Variants in LHX9 observed in about 807,000 individuals in gnomAD.
LHX9 encodes the protein LIM/homeobox protein Lhx9.
Under a neutral mutation model 36.5 loss-of-function variants are expected in LHX9, and 9 were observed. The observed-to-expected ratio is 0.25, with a 90% CI of 0.15 to 0.43. The LOEUF is 0.43. Among genes scored for constraint, LHX9 ranks in the 20% least tolerant of loss-of-function variants. The probability of loss-of-function intolerance (pLI) is 1.00; values close to 1 mark genes in which losing one functional copy is unlikely to be tolerated. For missense variants in LHX9, 464 were observed against 526.4 expected (o/e 0.88, Z 1.16); for synonymous variants, 211 against 212.1 (o/e 0.99, Z 0.04).
Position 197,917,798 on chromosome 1 carries a change from G to A in LHX9, c.-26G>A. 2 of 1,614,060 alleles carry A rather than the reference G, an allele frequency of 1.2e-6. No individual in the cohort carries two copies. Among genetic ancestry groups the A allele is most frequent in the Non-Finnish European group, 1.7e-6 (2 of 1,179,948 alleles). On this transcript the variant is annotated 5_prime_UTR_variant, in exon 1 of 5. The change abolishes an upstream ATG in the 5' untranslated region. Coordinates refer to ENST00000367387, the MANE Select transcript of LHX9 (RefSeq NM_020204.3). Reference sequence around the variant, plus strand: ...GGTCCCTTGCCTCCTTCACTCGGATGAGCTGAAAGCCCCGGGCGTGTGTAT... The same window carrying A: ...GGTCCCTTGCCTCCTTCACTCGGATAAGCTGAAAGCCCCGGGCGTGTGTAT...
At chr1:197,923,702 C>T (rs1192209054) in intron 3 of LHX9, among the ~76,000 whole-genome samples, 1 of 151,998 alleles carries the variant, frequency 6.6e-6, no homozygotes, top group Non-Finnish European at 1.5e-5. Context: ...ATGTTAGATC[C>T]AAGGAGCTTT....
chr1:197,923,468 C>T (rs1220279306), intron 3 of LHX9, among the ~76,000 whole-genome samples: 1 of 150,772 alleles, frequency 6.6e-6, no homozygotes, highest in Non-Finnish European at 1.5e-5. Context: ...ATTGGAATCT[C>T]AAGCCACTCA....
In LHX9 at chr1:197,917,753, C is replaced by G. The variant is rs1659817005; in HGVS notation, c.-71C>G. 6.2e-7 allele frequency: 1 copy of G among 1,609,536 alleles called. No homozygotes were observed. The highest frequency in any genetic ancestry group is 8.5e-7 in the Non-Finnish European group (1 of 1,178,658). On this transcript the variant is annotated 5_prime_UTR_variant, in exon 1 of 5. Transcript: ENST00000367387. ...CTCCATCCTCGAGCGTCTCTGCGCTCCTACAGGGCAGCCCTCTCTGGTCCC... is the reference window on the plus strand; with the variant it reads ...CTCCATCCTCGAGCGTCTCTGCGCTGCTACAGGGCAGCCCTCTCTGGTCCC...
rs541993545 is a variant in LHX9, at chr1:197,930,019, A to T, written c.*760A>T. The T allele has an allele frequency of 9.2e-6, 9 of 981,990 alleles. No homozygotes were observed. In the East Asian group the frequency reaches 5.6e-4, roughly 61 times the overall value. The allele number at this position is 981,990 out of a possible 1,614,324, so 60.8% of individuals were successfully genotyped here. A position where few individuals can be genotyped will look rare whatever the true frequency, so the allele number is the denominator to read the frequency against. Reference sequence around the variant, plus strand: ...TTCCGCATTGATTTTGACATTCCATACTTTTAACCTCCTAAAGCTAAAAAC... The same window carrying T: ...TTCCGCATTGATTTTGACATTCCATTCTTTTAACCTCCTAAAGCTAAAAAC... On this transcript the variant is annotated 3_prime_UTR_variant, in exon 5 of 5. Transcript: ENST00000367387.
rs773104007 is a variant in LHX9, at chr1:197,921,687, C to T, written c.733+28C>T. ...GTGCCTCCTATCCTCACCCCCGGCG[C>T]AGCCCCGGCCTCCCTGAGGAAAATT... On this transcript the variant is annotated intron_variant, in intron 3 of 4. Coordinates refer to ENST00000367387, the MANE Select transcript of LHX9 (RefSeq NM_020204.3). The surrounding 1 kb of genome is among the most constrained non-coding windows in gnomAD (Gnocchi z 4.6). 4 of 1,507,092 alleles carry T rather than the reference C, an allele frequency of 2.7e-6. No homozygotes were observed. In the Admixed American group the frequency reaches 6.0e-5, roughly 23 times the overall value. 93.4% of individuals were successfully genotyped at this position (1,507,092 alleles called of 1,614,324 possible).
rs754990735 is a variant in LHX9 at position 197,917,380 on chromosome 1, A to G, written c.-444A>G. On this transcript the variant is annotated 5_prime_UTR_variant, in exon 1 of 5. Transcript: ENST00000367387. ...ACAGCTCAGGCAGGAGCAGTCCCCA[A>G]CCCAATCTACAGGCACTGGGAACTT... 1 of 1,306,486 alleles carries G rather than the reference A, an allele frequency of 7.7e-7. No homozygotes were observed. Among genetic ancestry groups the G allele is most frequent in the African/African-American group, 1.5e-5 (1 of 65,884 alleles). The allele number at this position is 1,306,486 out of a possible 1,614,324, so 80.9% of individuals were successfully genotyped here.
chr1:197,916,530 C>T, upstream of LHX9: 1 of 613,382 alleles, frequency 1.6e-6, no homozygotes, highest in East Asian at 2.8e-5. Context: ...GAATCTCCGG[C>T]AACCTTCCTT....
At chr1:197,923,915 A>G (rs1660072018) in intron 3 of LHX9, among the ~76,000 whole-genome samples, 1 of 152,152 alleles carries the variant, frequency 6.6e-6, no homozygotes, top group African/African-American at 2.4e-5. Context: ...CTTAGCCCGA[A>G]GAGTTTGTAC....
At chr1:197,927,311 G>A (rs748273822) in intron 3 of LHX9, among the ~76,000 whole-genome samples, 15 of 152,192 alleles carry the variant, frequency 9.9e-5, no homozygotes, top group South Asian at 4.1e-4. Context: ...CTTAGGGTTT[G>A]TTCATATTCT....
Position 197,921,287 on chromosome 1 carries a change from C to T in LHX9, c.378-17C>T. The T allele has an allele frequency of 1.9e-6, 3 of 1,598,710 alleles. No individual in the cohort carries two copies. The highest frequency in any genetic ancestry group is 1.7e-5 in the Admixed American group (1 of 59,570). ...CCTTGCTTCAACTAGCGCCCTGACT[C>T]AACTCTTTCCTTCCAGAAGGTTCTC... is the stretch of plus-strand genomic sequence containing the variant. On this transcript the variant is annotated splice_polypyrimidine_tract_variant and intron_variant, in intron 2 of 4. Coordinates refer to ENST00000367387, the MANE Select transcript of LHX9 (RefSeq NM_020204.3). This position sits in a 1 kb window ranked among gnomAD's most constrained non-coding sequence, Gnocchi z 4.6.
In LHX9 at chr1:197,935,021, T is replaced by C. The variant is rs1425440431; in HGVS notation, c.*5762T>C. 1 of 152,146 alleles carries C rather than the reference T, an allele frequency of 6.6e-6. No homozygotes were observed. Among genetic ancestry groups the C allele is most frequent in the Non-Finnish European group, 1.5e-5 (1 of 68,014 alleles). 9.4% of individuals were successfully genotyped at this position (152,146 alleles called of 1,614,324 possible). ...AGGGAAAGTTTAGAACTGTGCATGA[T>C]ACTCAAGGAAAAGTCTATGAATATG... On this transcript the variant is annotated 3_prime_UTR_variant, in exon 5 of 5. Transcript: ENST00000367387.
At position 197,917,819 on chromosome 1, in the gene LHX9, T is replaced by A; in HGVS notation, c.-5T>A. On this transcript the variant is annotated 5_prime_UTR_variant, in exon 1 of 5. Transcript: ENST00000367387. ...GGATGAGCTGAAAGCCCCGGGCGTG[T>A]GTATATGGAAATAGTGGGGTGCCGA... 4 of 1,614,020 alleles carry A rather than the reference T, an allele frequency of 2.5e-6. No homozygotes were observed. Among genetic ancestry groups the A allele is most frequent in the Non-Finnish European group, 2.5e-6 (3 of 1,179,936 alleles).
rs1660391420 is a variant in LHX9 at position 197,933,918 on chromosome 1, T to G, written c.*4659T>G. 6.6e-6 allele frequency: 1 copy of G among 152,150 alleles called. No individual in the cohort carries two copies. Among genetic ancestry groups the G allele is most frequent in the Non-Finnish European group, 1.5e-5 (1 of 68,010 alleles). The allele number at this position is 152,150 out of a possible 1,614,324, so 9.4% of individuals were successfully genotyped here. A position where few individuals can be genotyped will look rare whatever the true frequency, so the allele number is the denominator to read the frequency against. ...GGTGTGGAATAGAAAAATGTGGACC[T>G]CTTAGTTGAGAGCAGGACACTAAAT... On this transcript the variant is annotated 3_prime_UTR_variant, in exon 5 of 5. Coordinates refer to ENST00000367387, the MANE Select transcript of LHX9 (RefSeq NM_020204.3).
Position 197,917,942 on chromosome 1 carries a change from G to A in LHX9, c.119G>A (p.Arg40Lys). The A allele has an allele frequency of 6.2e-7, 1 of 1,614,188 alleles. No homozygotes were observed. The highest frequency in any genetic ancestry group is 2.2e-5 in the East Asian group (1 of 44,872). Residue 40 changes from arginine to lysine, a missense_variant, in exon 1 of 5, where the codon AGA becomes AAA. Physicochemically the swap from Arg to Lys is conservative, Grantham distance 26. Around this residue, in one of 5 missense-constraint regions of LHX9, gnomAD observed 119 missense variants for 102.4 expected, o/e 1.16. Coordinates refer to ENST00000367387, the MANE Select transcript of LHX9 (RefSeq NM_020204.3). ...IQGIMEEMERRSKTEARLAKG... is the reference protein window; with the variant it reads ...IQGIMEEMERKSKTEARLAKG... ...GGCATCATGGAGGAGATGGAGCGCA[G>A]ATCCAAGACTGAGGCCCGTCTGGCC...
At chr1:197,920,667 C>G (rs2102595004) in intron 2 of LHX9, among the ~76,000 whole-genome samples, 1 of 152,280 alleles carries the variant, frequency 6.6e-6, no homozygotes, top group Middle Eastern at 3.4e-3. Flanking sequence ...CCACTCAGTT[C>G]CGGGTTCCTT....
At position 197,935,329 on chromosome 1, in the gene LHX9, T is replaced by C. The variant is rs995491103; in HGVS notation, c.*6070T>C. 1 of 152,228 alleles carries C rather than the reference T, an allele frequency of 6.6e-6. No individual in the cohort carries two copies. The highest frequency in any genetic ancestry group is 2.4e-5 in the African/African-American group (1 of 41,468). The allele number at this position is 152,228 out of a possible 1,614,324, so 9.4% of individuals were successfully genotyped here. A position where few individuals can be genotyped will look rare whatever the true frequency, so the allele number is the denominator to read the frequency against. On this transcript the variant is annotated 3_prime_UTR_variant, in exon 5 of 5. Coordinates refer to ENST00000367387, the MANE Select transcript of LHX9 (RefSeq NM_020204.3). Reference sequence around the variant, plus strand: ...AGAAAGTTCCTGGTGTGCATTTCTGTGTACTTTTCCCTCACATATTAGAAT... The same window carrying C: ...AGAAAGTTCCTGGTGTGCATTTCTGCGTACTTTTCCCTCACATATTAGAAT...
intron 4 of LHX9, among the ~76,000 whole-genome samples, chr1:197,928,120 ATAT>A (rs1375532271): frequency 6.6e-6 from 1 of 152,138 alleles, no homozygotes; most frequent in African/African-American, 2.4e-5. Flanking sequence ...ATTTCCATTA[ATAT>A]TATGCTCAGT....
Position 197,917,741 on chromosome 1 carries a change from C to G in LHX9, c.-83C>G. 4 of 1,599,660 alleles carry G rather than the reference C, an allele frequency of 2.5e-6. No individual in the cohort carries two copies. Among genetic ancestry groups the G allele is most frequent in the Non-Finnish European group, 3.4e-6 (4 of 1,175,520 alleles). ...CTCCCTCTTTCCCTCCATCCTCGAG[C>G]GTCTCTGCGCTCCTACAGGGCAGCC... is the stretch of plus-strand genomic sequence containing the variant. On this transcript the variant is annotated 5_prime_UTR_variant, in exon 1 of 5. Transcript: ENST00000367387.
In LHX9 at chr1:197,917,820, GTATA is replaced by G; in HGVS notation, c.-2_2del. The G allele has an allele frequency of 2.5e-6, 4 of 1,614,142 alleles. No homozygotes were observed. The highest frequency in any genetic ancestry group is 2.5e-6 in the Non-Finnish European group (3 of 1,179,974). ...GATGAGCTGAAAGCCCCGGGCGTGTGTATATGGAAATAGTGGGGTGCCGAGCAGA... is the reference window on the plus strand; with the variant it reads ...GATGAGCTGAAAGCCCCGGGCGTGTGTGGAAATAGTGGGGTGCCGAGCAGA... On this transcript the variant is annotated start_lost and 5_prime_UTR_variant, in exon 1 of 5. Coordinates refer to ENST00000367387, the MANE Select transcript of LHX9 (RefSeq NM_020204.3).
Sources: gnomAD v4.1 joint callset for allele counts (sites outside exome capture counted in the v4.1 genomes callset) on GRCh38, gnomAD v4.1.1 for gene constraint, gnomAD v4.1.1 regional missense constraint, Gnocchi (gnomAD v3.1) non-coding constraint, MANE v1.5 for transcripts, NCBI Gene and HGNC (gene_info 2026-07-23, HGNC 2026-07-21) for gene names.